The following GPC5 variants were observed in gnomAD, a reference collection of about 807,000 sequenced individuals.
GPC5 encodes glypican-5.
In GPC5, 47 loss-of-function variants were observed where a neutral mutation model predicts 53.9. The observed-to-expected ratio is 0.87, with a 90% confidence interval of 0.69 to 1.11. The LOEUF is 1.11. GPC5 is among the 50% of genes most tolerant of loss of function. The pLI is 0.00. For missense variants in GPC5, 748 were observed against 713.1 expected (o/e 1.05, Z -0.56); for synonymous variants, 286 against 263.3 (o/e 1.09, Z -0.84).
chr13:92,777,567 C>T (rs567274751), intron 7 of GPC5, among the ~76,000 whole-genome samples: 283 of 152,186 alleles, frequency 1.9e-3, no homozygotes, highest in African/African-American at 6.6e-3. Context: ...TGCAGTGAGC[C>T]GAGGTCACAC....
chr13:92,789,508 T>C (rs1876386688), intron 7 of GPC5, among the ~76,000 whole-genome samples: 1 of 152,140 alleles, frequency 6.6e-6, no homozygotes, highest in Admixed American at 6.5e-5. Context: ...AGGTCATTTA[T>C]CATGTGTGAA....
intron 7 of GPC5, among the ~76,000 whole-genome samples, chr13:92,425,174 C>T (rs1876777000): frequency 6.6e-6 from 1 of 151,924 alleles, no homozygotes; most frequent in Non-Finnish European, 1.5e-5. Flanking sequence ...TCCTTTGTAT[C>T]AGGACAACTC....
intron 5 of GPC5, among the ~76,000 whole-genome samples, chr13:91,891,990 G>T (rs1294368709): frequency 6.6e-6 from 1 of 151,972 alleles, no homozygotes; most frequent in East Asian, 1.9e-4. Flanking sequence ...GTTTATAATT[G>T]ACAAGGAAAT....
At chr13:91,576,457 A>G (rs2032140510) in intron 2 of GPC5, among the ~76,000 whole-genome samples, 1 of 152,152 alleles carries the variant, frequency 6.6e-6, no homozygotes, top group South Asian at 2.1e-4. Context: ...ACACAACTAA[A>G]ACAACTTAAA....
chr13:92,844,676 G>T (rs1350872046), intron 7 of GPC5, among the ~76,000 whole-genome samples: 1 of 151,848 alleles, frequency 6.6e-6, no homozygotes. Context: ...AATTATTTTT[G>T]ATTTCCTAAA....
chr13:92,339,681 G>T (rs911042672), intron 7 of GPC5: 1 of 152,098 alleles, frequency 6.6e-6, no homozygotes, highest in Non-Finnish European at 1.5e-5. Context: ...CTGAGCTAGA[G>T]AATTACCAAA....
At chr13:91,971,652 T>C (rs1214315407) in intron 6 of GPC5, among the ~76,000 whole-genome samples, 1 of 152,160 alleles carries the variant, frequency 6.6e-6, no homozygotes, top group Non-Finnish European at 1.5e-5. Context: ...TCCCAGAGAT[T>C]CTGGTATGTT....
intron 2 of GPC5, among the ~76,000 whole-genome samples, chr13:91,474,084 T>C (rs924999917): frequency 6.6e-6 from 1 of 152,194 alleles, no homozygotes; most frequent in African/African-American, 2.4e-5. Context: ...GCTTTGCTTA[T>C]GTAGTATTGC....
intron 6 of GPC5, among the ~76,000 whole-genome samples, chr13:92,116,924 CAT>C (rs1309236985): frequency 2.0e-5 from 3 of 152,164 alleles, no homozygotes; most frequent in African/African-American, 7.2e-5. Flanking sequence ...GGGAATATTA[CAT>C]ATTCGGAATA....
intron 7 of GPC5, among the ~76,000 whole-genome samples, chr13:92,493,217 T>A (rs11838782): frequency 2.0e-5 from 3 of 152,194 alleles, no homozygotes; most frequent in African/African-American, 7.2e-5. Flanking sequence ...AATTTAAAAT[T>A]AGAACTTTTC....
chr13:92,193,912 TTTC>T (rs1228532016), intron 7 of GPC5, among the ~76,000 whole-genome samples: 2 of 152,236 alleles, frequency 1.3e-5, no homozygotes, highest in Non-Finnish European at 2.9e-5. Flanking sequence ...TACTTATTTA[TTTC>T]TTCTTATCCA....
At chr13:92,379,291 A>C (rs1422308728) in intron 7 of GPC5, among the ~76,000 whole-genome samples, 1 of 152,150 alleles carries the variant, frequency 6.6e-6, no homozygotes, top group Non-Finnish European at 1.5e-5. Flanking sequence ...AGCTCATATT[A>C]TTCCCTCTCT....
chr13:91,479,672 C>T (rs1389257419), intron 2 of GPC5, among the ~76,000 whole-genome samples: 2 of 151,978 alleles, frequency 1.3e-5, no homozygotes, highest in African/African-American at 2.4e-5. Flanking sequence ...AATAAGTTCC[C>T]AGTGCAAGTT....
chr13:91,530,112 C>T (rs902282047), intron 2 of GPC5, among the ~76,000 whole-genome samples: 1 of 152,168 alleles, frequency 6.6e-6, no homozygotes, highest in African/African-American at 2.4e-5. Flanking sequence ...TACAGTTGCA[C>T]CATTTTGCGA....
chr13:92,597,392 A>G (rs796185090), intron 7 of GPC5, among the ~76,000 whole-genome samples: 1 of 152,190 alleles, frequency 6.6e-6, no homozygotes, highest in South Asian at 2.1e-4. Context: ...TACTTTAGCT[A>G]CATGATGTTT....
intron 7 of GPC5, among the ~76,000 whole-genome samples, chr13:92,215,135 TATGCTA>T (rs1251353138): frequency 6.6e-6 from 1 of 152,188 alleles, no homozygotes; most frequent in Non-Finnish European, 1.5e-5. Context: ...AACAAAGTAT[TATGCTA>T]GCAGGAATAA....
intron 7 of GPC5, among the ~76,000 whole-genome samples, chr13:92,610,968 A>AT (rs35225757): frequency 0.75 from 105,188 of 140,096 alleles, 41,864 homozygotes; most frequent in Non-Finnish European, 0.89. Context: ...CTCAATACAT[A>AT]TTTTTTTTTT....
chr13:91,572,169 A>ATGTATATATACGTG (rs2031926328), intron 2 of GPC5, among the ~76,000 whole-genome samples: 1 of 102,828 alleles, frequency 9.7e-6, no homozygotes, highest in Admixed American at 9.5e-5. Flanking sequence ...ACACACACAT[A>ATGTATATATACGTG]TGTATATATA....
At chr13:92,613,375 ATATAT>A (rs548579408) in intron 7 of GPC5, among the ~76,000 whole-genome samples, 1,641 of 77,114 alleles carry the variant, frequency 0.021, 60 homozygotes, top group East Asian at 0.069. Context: ...TTATATATAA[ATATAT>A]TATATTATAT....
Sources: allele counts gnomAD v4.1 joint callset (sites outside exome capture counted in the v4.1 genomes callset), GRCh38; gene constraint gnomAD v4.1.1; transcripts MANE v1.5; gene names NCBI Gene and HGNC (gene_info 2026-07-23, HGNC 2026-07-21).